Variants in RREB1 observed in about 807,000 individuals in gnomAD.
RREB1 encodes ras-responsive element-binding protein 1.
In RREB1, 27 loss-of-function variants were observed where a neutral mutation model predicts 117.8. The observed-to-expected ratio is 0.23, with a 90% CI of 0.17 to 0.32. The LOEUF is 0.32. Ranked by LOEUF, RREB1 falls within the 10% of genes least tolerant of loss-of-function variation. The probability of loss-of-function intolerance (pLI) is 1.00; values close to 1 mark genes in which losing one functional copy is unlikely to be tolerated. For synonymous variants in RREB1, 1,298 were observed against 1,026.7 expected, an observed-to-expected ratio of 1.26 and a Z score of -5.05; for missense variants, 2,577 against 2,378.2, an observed-to-expected ratio of 1.08 and a Z score of -1.74.
At chr6:7,241,548 A>C (rs913350270) in intron 11 of RREB1, among the ~76,000 whole-genome samples, 21 of 152,074 alleles carry the variant, frequency 1.4e-4, no homozygotes, top group African/African-American at 5.1e-4. Context: ...TGTGGCTTCT[A>C]TTCCTCAGAC....
rs115313893 is a variant in RREB1, at chr6:7,230,193, C to T, written c.2094C>T (p.Pro698=). The T allele has an allele frequency of 5.9e-5, 94 of 1,606,158 alleles. 2 individuals carry two copies. The East Asian group carries it at 2.1e-3, about 35-fold the overall frequency. The change falls in exon 10 of 13, where the codon CCC becomes CCT. Residue 698 remains proline, a synonymous_variant. Coordinates refer to ENST00000379938, the MANE Select transcript of RREB1 (RefSeq NM_001003699.4). ...RHLRTHSGER[P]YICKICHYPF... is the part of the protein sequence containing the mutation. ...TGCGCACGCACAGTGGGGAGCGGCC[C>T]TACATTTGCAAGATCTGCCACTACC...
At chr6:7,221,804 T>C (rs1767276426) in intron 8 of RREB1, among the ~76,000 whole-genome samples, 1 of 152,196 alleles carries the variant, frequency 6.6e-6, no homozygotes, top group South Asian at 2.1e-4. Flanking sequence ...TAAGGACGAT[T>C]GTGAAGTTCT....
intron 1 of RREB1, among the ~76,000 whole-genome samples, chr6:7,126,041 G>T (rs969922059): frequency 3.3e-5 from 5 of 151,970 alleles, no homozygotes; most frequent in African/African-American, 7.2e-5. Flanking sequence ...TTGCTCTGTC[G>T]CCCAAGCTGG....
At chr6:7,234,358 C>T (rs980870106) in intron 10 of RREB1, among the ~76,000 whole-genome samples, 29 of 152,182 alleles carry the variant, frequency 1.9e-4, no homozygotes, top group Admixed American at 1.9e-3. Context: ...CGCCCCCTTC[C>T]TCGGTGCTCC....
At chr6:7,158,959 C>T (rs1581468092) in intron 1 of RREB1, among the ~76,000 whole-genome samples, 1 of 152,152 alleles carries the variant, frequency 6.6e-6, no homozygotes, top group Middle Eastern at 3.4e-3. Context: ...ACTGAGCCAG[C>T]TCACCCCTAC....
intron 12 of RREB1, among the ~76,000 whole-genome samples, chr6:7,247,518 A>G (rs189044808): frequency 6.6e-6 from 1 of 152,216 alleles, no homozygotes; most frequent in Non-Finnish European, 1.5e-5. Context: ...AGTGGGGGTA[A>G]CAGCTGCCCT....
chr6:7,246,710 C>T lies in RREB1; in HGVS notation c.4260C>T (p.Phe1420=), dbSNP rs1215914058. 4.4e-6 allele frequency: 7 copies of T among 1,584,286 alleles called. No homozygotes were observed. The highest frequency in any genetic ancestry group is 1.8e-5 in the Admixed American group (1 of 55,902). The change falls in exon 12 of 13, where the codon TTC becomes TTT. Residue 1420 remains phenylalanine (F), a synonymous_variant. Coordinates refer to ENST00000379938, the MANE Select transcript of RREB1 (RefSeq NM_001003699.4). ...ASSNQSLDLD[F]ATKLMDFKLA... ...GCAACCAGAGCCTGGACCTGGACTT[C>T]GCCACCAAGCTCATGGACTTCAAGC...
chr6:7,185,270 A>G (rs1433445535), intron 4 of RREB1: 1 of 152,188 alleles, frequency 6.6e-6, no homozygotes, highest in Non-Finnish European at 1.5e-5. Context: ...CCAATTCCAT[A>G]GATTAGAAAA....
At chr6:7,128,758 C>G (rs1762038139) in intron 1 of RREB1, among the ~76,000 whole-genome samples, 1 of 152,146 alleles carries the variant, frequency 6.6e-6, no homozygotes, top group Non-Finnish European at 1.5e-5. Context: ...CACCTGAGTT[C>G]AGGAGTTCGA....
intron 1 of RREB1, among the ~76,000 whole-genome samples, chr6:7,172,407 C>A (rs142349329): frequency 5.3e-5 from 8 of 152,056 alleles, no homozygotes; most frequent in Non-Finnish European, 8.8e-5. Flanking sequence ...CATCCCCCCA[C>A]CCCGGCTTCT....
At chr6:7,211,338 A>AGATGGATGGATGGATGGATGGATGGATG (rs555086914) in intron 7 of RREB1, among the ~76,000 whole-genome samples, 6 of 118,566 alleles carry the variant, frequency 5.1e-5, no homozygotes, top group Admixed American at 9.1e-5. Flanking sequence ...ATGGATGGAC[A>AGATGGATGGATGGATGGATGGATGGATG]GATGGATGGA....
chr6:7,189,901 T>G (rs566703293), intron 6 of RREB1, among the ~76,000 whole-genome samples: 1 of 152,296 alleles, frequency 6.6e-6, no homozygotes, highest in South Asian at 2.1e-4. Flanking sequence ...TAAAATTGTT[T>G]GGGGTGAACC....
chr6:7,133,295 C>T (rs1226620318), intron 1 of RREB1, among the ~76,000 whole-genome samples: 2 of 152,092 alleles, frequency 1.3e-5, no homozygotes, highest in African/African-American at 2.4e-5. Context: ...GGTGCCTGGA[C>T]GGGCTTGTAT....
At chr6:7,108,949 G>C (rs1760989205) in intron 1 of RREB1, among the ~76,000 whole-genome samples, 1 of 150,836 alleles carries the variant, frequency 6.6e-6, no homozygotes, top group African/African-American at 2.4e-5. Flanking sequence ...GGCACGTATT[G>C]TTCCCTCGCC....
At chr6:7,204,915 T>C (rs1440030471) in intron 6 of RREB1, among the ~76,000 whole-genome samples, 1 of 152,332 alleles carries the variant, frequency 6.6e-6, no homozygotes, top group Middle Eastern at 3.4e-3. Context: ...TTTAAACTTG[T>C]TGAGAGTTTC....
chr6:7,201,375 T>C (rs914641905), intron 6 of RREB1, among the ~76,000 whole-genome samples: 2 of 152,164 alleles, frequency 1.3e-5, no homozygotes, highest in African/African-American at 4.8e-5. Context: ...TTTGTTTAAA[T>C]ATCCAACCTG....
At chr6:7,110,046 C>T (rs1339535792) in intron 1 of RREB1, among the ~76,000 whole-genome samples, 2 of 151,794 alleles carry the variant, frequency 1.3e-5, no homozygotes, top group African/African-American at 4.9e-5. Flanking sequence ...GAATTTCTGT[C>T]TTAAGAAGAA....
intron 1 of RREB1, among the ~76,000 whole-genome samples, chr6:7,121,775 T>C (rs1464180141): frequency 6.6e-6 from 1 of 152,082 alleles, no homozygotes; most frequent in Non-Finnish European, 1.5e-5. Flanking sequence ...TTTTTTTTAA[T>C]GGCAAACAAA....
Position 7,230,056 on chromosome 6 carries a change from G to T in RREB1, c.1957G>T (p.Ala653Ser), listed in dbSNP as rs1767832546. 3.1e-6 allele frequency: 5 copies of T among 1,608,184 alleles called. No homozygotes were observed. The East Asian group carries it at 8.9e-5, about 29-fold the overall frequency. The change falls in exon 10 of 13, where the codon GCC becomes TCC. Residue 653 changes from alanine (A) to serine (S), a missense_variant. Coordinates refer to ENST00000379938, the MANE Select transcript of RREB1 (RefSeq NM_001003699.4). ...YPCRFCNQVFAFSGVLRAHVR... is the reference protein window; with the variant it reads ...YPCRFCNQVFSFSGVLRAHVR... Reference sequence around the variant, plus strand: ...CTGCCGCTTCTGCAACCAGGTGTTTGCCTTCTCGGGGGTCTTGCGTGCCCA... The same window carrying T: ...CTGCCGCTTCTGCAACCAGGTGTTTTCCTTCTCGGGGGTCTTGCGTGCCCA...
Sources: gnomAD v4.1 joint callset for allele counts (sites outside exome capture counted in the v4.1 genomes callset) on GRCh38, gnomAD v4.1.1 for gene constraint, MANE v1.5 for transcripts, NCBI Gene and HGNC (gene_info 2026-07-23, HGNC 2026-07-21) for gene names.